The following CLOCK variants were observed in gnomAD, a reference collection of about 807,000 sequenced individuals.
The protein encoded by CLOCK is clock circadian regulator.
A neutral mutation model predicts 118.4 loss-of-function variants in CLOCK; 43 were observed. The observed-to-expected ratio is 0.36, with a 90% CI of 0.28 to 0.47. CLOCK has a LOEUF of 0.47. CLOCK is among the 20% of genes least tolerant of loss of function. CLOCK has a pLI of 1.00. For missense variants in CLOCK, 846 were observed against 999.9 expected (o/e 0.85, Z 2.08); for synonymous variants, 326 against 339.2 (o/e 0.96, Z 0.43).
intron 1 of CLOCK, among the ~76,000 whole-genome samples, chr4:55,542,371 TAATAATAA>T (rs1560490000): frequency 1.8e-3 from 36 of 20,534 alleles, no homozygotes; most frequent in South Asian, 0.014. Context: ...ATAATAATAA[TAATAATAA>T]TATTATTATT....
At chr4:55,437,866 T>C (rs1037774355) in intron 22 of CLOCK, among the ~76,000 whole-genome samples, 8 of 152,160 alleles carry the variant, frequency 5.3e-5, no homozygotes, top group African/African-American at 1.9e-4. Context: ...TATAATAAGA[T>C]TGAATTCAAC....
At chr4:55,501,769 A>G (rs1356696915) in intron 2 of CLOCK, 1 of 152,178 alleles carries the variant, frequency 6.6e-6, no homozygotes, top group East Asian at 1.9e-4. Context: ...AAGTTAGAAT[A>G]ATAATATAAT....
intron 2 of CLOCK, among the ~76,000 whole-genome samples, chr4:55,500,178 C>G (rs1298572822): frequency 6.6e-6 from 1 of 151,898 alleles, no homozygotes; most frequent in African/African-American, 2.4e-5. Flanking sequence ...TTGGTTAAAG[C>G]TGGATAACAA....
At chr4:55,482,582 AT>A (rs989334871) in intron 4 of CLOCK, among the ~76,000 whole-genome samples, 156 bp downstream of exon 4, 5 of 152,152 alleles carry the variant, frequency 3.3e-5, no homozygotes, top group African/African-American at 1.2e-4. Flanking sequence ...TACCTTACTT[AT>A]TTTTTTATAC....
intron 22 of CLOCK, among the ~76,000 whole-genome samples, chr4:55,436,821 C>G (rs1021703443): frequency 6.6e-6 from 1 of 150,972 alleles, no homozygotes; most frequent in African/African-American, 2.4e-5. Flanking sequence ...TATTTATTAC[C>G]TACATACAAG....
At chr4:55,542,107 G>A (rs1416688375) in intron 1 of CLOCK, among the ~76,000 whole-genome samples, 1 of 151,804 alleles carries the variant, frequency 6.6e-6, no homozygotes, top group South Asian at 2.1e-4. Flanking sequence ...TTGGGAGGCC[G>A]AGGTGGGCGG....
chr4:55,499,798 C>A (rs116237166), intron 2 of CLOCK, among the ~76,000 whole-genome samples: 63 of 152,310 alleles, frequency 4.1e-4, no homozygotes, highest in Non-Finnish European at 8.1e-4. Flanking sequence ...TGCCATGTTT[C>A]TTTCGCTCTG....
chr4:55,473,083 G>A (rs560296877), intron 7 of CLOCK, among the ~76,000 whole-genome samples: 128 of 152,210 alleles, frequency 8.4e-4, no homozygotes, highest in African/African-American at 2.9e-3. Flanking sequence ...AAATTAGCTC[G>A]GCGTGGTGAC....
At position 55,433,027 on chromosome 4, in the gene CLOCK, C is replaced by T. The variant is rs1054749429; in HGVS notation, c.*2388G>A. 4 of 152,470 alleles carry T rather than the reference C, an allele frequency of 2.6e-5. No individual in the cohort carries two copies. Among genetic ancestry groups the T allele is most frequent in the Non-Finnish European group, 5.9e-5 (4 of 68,018 alleles). The allele number at this position is 152,470 out of a possible 1,614,324, so 9.4% of individuals were successfully genotyped here. ...GAGGACAGGCCTCAATATAATAGTTCTTCATATCTTTTGTTAGCTAAATCC... is the reference window on the plus strand; with the variant it reads ...GAGGACAGGCCTCAATATAATAGTTTTTCATATCTTTTGTTAGCTAAATCC... On this transcript the variant is annotated 3_prime_UTR_variant, in exon 23 of 23. Transcript: ENST00000513440.
chr4:55,518,206 A>C (rs910426441), intron 1 of CLOCK, among the ~76,000 whole-genome samples: 1 of 152,166 alleles, frequency 6.6e-6, no homozygotes, highest in African/African-American at 2.4e-5. Flanking sequence ...ATATGAAGAG[A>C]AAGTTAAATA....
At chr4:55,545,062 T>TTTTTTTC (rs1345290493) in intron 1 of CLOCK, among the ~76,000 whole-genome samples, 2 of 151,820 alleles carry the variant, frequency 1.3e-5, no homozygotes, top group East Asian at 3.9e-4. Flanking sequence ...CTTTTTTTTT[T>TTTTTTTC]TTTACTTTTT....
chr4:55,492,360 A>C (rs1212820540), intron 2 of CLOCK, among the ~76,000 whole-genome samples: 2 of 151,750 alleles, frequency 1.3e-5, no homozygotes, highest in Non-Finnish European at 1.5e-5. Context: ...TTCATGATAA[A>C]AAAAAAAAAC....
chr4:55,519,227 A>G (rs1327773193), intron 1 of CLOCK, among the ~76,000 whole-genome samples: 3 of 152,022 alleles, frequency 2.0e-5, no homozygotes, highest in Non-Finnish European at 4.4e-5. Context: ...AATTTTTAAA[A>G]AAAGTTTTTT....
chr4:55,497,893 C>T (rs1728186431), intron 2 of CLOCK, among the ~76,000 whole-genome samples: 1 of 151,614 alleles, frequency 6.6e-6, no homozygotes, highest in South Asian at 2.1e-4. Context: ...TGAATTAAAC[C>T]CCAGACTTTG....
At chr4:55,465,647 G>T (rs1213378433) in intron 8 of CLOCK, among the ~76,000 whole-genome samples, 1 of 152,136 alleles carries the variant, frequency 6.6e-6, no homozygotes, top group Non-Finnish European at 1.5e-5. Context: ...TACAACTAAA[G>T]GAGTGAACTA....
chr4:55,477,212 T>C (rs1368134384), intron 6 of CLOCK, among the ~76,000 whole-genome samples: 1 of 151,830 alleles, frequency 6.6e-6, no homozygotes, highest in Non-Finnish European at 1.5e-5. Flanking sequence ...TATCTGATTT[T>C]GAAAAAAAAA....
At chr4:55,465,712 G>C (rs1017103102) in intron 8 of CLOCK, among the ~76,000 whole-genome samples, 19 of 152,180 alleles carry the variant, frequency 1.2e-4, no homozygotes, top group African/African-American at 4.3e-4. Flanking sequence ...AGCACTTTGG[G>C]AGGCTGAGGC....
rs554012029 is a variant in CLOCK at position 55,453,529 on chromosome 4, G to A, written c.1130+148C>T. On this transcript the variant is annotated intron_variant, in intron 14 of 22. Transcript: ENST00000513440. ...CTATATTTATATATAATGCCTATAA[G>A]TAAATTTAATAATATATTGAAAGGA... 11 of 593,294 alleles carry A rather than the reference G, an allele frequency of 1.9e-5. No homozygotes were observed. The Admixed American group carries it at 3.5e-4, about 19-fold the overall frequency. The allele number at this position is 593,294 out of a possible 1,614,324, so 36.8% of individuals were successfully genotyped here.
At chr4:55,477,217 A>C (rs1243763791) in intron 6 of CLOCK, among the ~76,000 whole-genome samples, 3 of 152,078 alleles carry the variant, frequency 2.0e-5, no homozygotes, top group Non-Finnish European at 4.4e-5. Flanking sequence ...GATTTTGAAA[A>C]AAAAAATTAC....
Sources: allele counts gnomAD v4.1 joint callset (sites outside exome capture counted in the v4.1 genomes callset), GRCh38; gene constraint gnomAD v4.1.1; transcripts MANE v1.5; gene names NCBI Gene and HGNC (gene_info 2026-07-23, HGNC 2026-07-21).